Variants in CTNND2 observed in about 807,000 individuals in gnomAD.
CTNND2 encodes the protein catenin delta 2, also known as catenin delta-2.
Under a neutral mutation model 144.4 loss-of-function variants are expected in CTNND2, and 22 were observed. The observed-to-expected ratio is 0.15, with a 90% CI of 0.11 to 0.22. CTNND2 has a LOEUF of 0.22. CTNND2 is among the 10% of genes least tolerant of loss of function. The pLI is 1.00. For missense variants in CTNND2, 1,353 were observed against 1,618.8 expected (o/e 0.84, Z 2.82); for synonymous variants, 751 against 695.6 (o/e 1.08, Z -1.25).
chr5:11,393,101 GATT>G (rs1303797029), intron 6 of CTNND2, among the ~76,000 whole-genome samples: 1 of 152,174 alleles, frequency 6.6e-6, no homozygotes, highest in Non-Finnish European at 1.5e-5. Context: ...GTGTACTTAT[GATT>G]ATGATATAGC....
intron 9 of CTNND2, among the ~76,000 whole-genome samples, chr5:11,267,256 C>T (rs777128242): frequency 6.6e-6 from 1 of 152,266 alleles, no homozygotes; most frequent in East Asian, 1.9e-4. Flanking sequence ...ATTCTCCCCA[C>T]GTGGAGCTAA....
In CTNND2 at chr5:11,057,449, T is replaced by G. The variant is rs186354497; in HGVS notation, c.2788+25247A>C. On this transcript the variant is annotated intron_variant, in intron 16 of 21. Coordinates refer to ENST00000304623, the MANE Select transcript of CTNND2 (RefSeq NM_001332.4). ...AAAATGGGAGTTCCCCTGCACAAAC[T>G]CTCTCTTTTTGCCTGCTGCCATCCA... Among the ~76,000 whole-genome samples the G allele has an allele frequency of 5.6e-3, 856 of 152,294 alleles. 6 individuals carry two copies. Among genetic ancestry groups the G allele is most frequent in the African/African-American group, 0.019 (801 of 41,570 alleles).
intron 2 of CTNND2, among the ~76,000 whole-genome samples, chr5:11,652,124 T>A (rs1159953982): frequency 2.0e-5 from 3 of 152,188 alleles, no homozygotes; most frequent in Non-Finnish European, 4.4e-5. Flanking sequence ...ATCCCCAATG[T>A]TGGAGGTGGG....
chr5:11,531,558 A>C (rs575050998), intron 3 of CTNND2, among the ~76,000 whole-genome samples: 16 of 152,262 alleles, frequency 1.1e-4, no homozygotes, highest in African/African-American at 3.6e-4. Context: ...CCCGGGAGGC[A>C]GAGATTACAG....
chr5:11,134,360 A>G (rs1009322252), intron 12 of CTNND2, among the ~76,000 whole-genome samples: 3 of 152,186 alleles, frequency 2.0e-5, no homozygotes, highest in African/African-American at 7.2e-5. Context: ...AAAGAGCCCA[A>G]TGGCCAATGC....
intron 3 of CTNND2, among the ~76,000 whole-genome samples, chr5:11,524,907 T>G (rs1394230798): frequency 6.6e-6 from 1 of 152,160 alleles, no homozygotes; most frequent in Admixed American, 6.5e-5. Flanking sequence ...GACTCAAACA[T>G]AGCATATAAA....
chr5:11,143,000 A>AGT (rs1246788693), intron 12 of CTNND2, among the ~76,000 whole-genome samples: 4 of 152,180 alleles, frequency 2.6e-5, no homozygotes, highest in Non-Finnish European at 5.9e-5. Context: ...TAGATGAGGC[A>AGT]GTGTGTGATG....
In CTNND2 at chr5:11,125,255, A is replaced by AG. The variant is rs1004562629; in HGVS notation, c.2160-7689dup. 5.3e-5 allele frequency among the ~76,000 whole-genome samples: 8 copies of AG among 152,114 alleles called. No individual in the cohort carries two copies. In the East Asian group the frequency reaches 9.6e-4, roughly 18 times the overall value. On this transcript the variant is annotated intron_variant, in intron 12 of 21. Transcript: ENST00000304623. ...CTCTAGGTGCAGAGGTTGCAGGGCTAGGGGGGCAGCATGAGACCCTCCAAG... is the reference window on the plus strand; with the variant it reads ...CTCTAGGTGCAGAGGTTGCAGGGCTAGGGGGGGCAGCATGAGACCCTCCAAG...
At chr5:10,994,391 G>A (rs1181183972) in intron 18 of CTNND2, among the ~76,000 whole-genome samples, 1 of 29,936 alleles carries the variant, frequency 3.3e-5, no homozygotes, top group Non-Finnish European at 7.1e-5. Flanking sequence ...GGAAAGAGGA[G>A]GGGGGCGGGG....
At chr5:11,875,169 C>A (rs765065321) in intron 1 of CTNND2, among the ~76,000 whole-genome samples, 15 of 152,164 alleles carry the variant, frequency 9.9e-5, no homozygotes, top group Non-Finnish European at 2.2e-4. Context: ...TTCAATCATT[C>A]TGGTAGAAAC....
intron 2 of CTNND2, among the ~76,000 whole-genome samples, chr5:11,724,219 G>A (rs1241832732): frequency 6.6e-6 from 1 of 152,014 alleles, no homozygotes; most frequent in Non-Finnish European, 1.5e-5. Flanking sequence ...TCCTAGTATG[G>A]TAATTTCTTA....
intron 3 of CTNND2, among the ~76,000 whole-genome samples, chr5:11,479,031 G>A (rs934928126): frequency 1.3e-5 from 2 of 152,122 alleles, no homozygotes; most frequent in Non-Finnish European, 2.9e-5. Flanking sequence ...GGGTACATGT[G>A]CAGGTTTCTT....
At position 11,903,166 on chromosome 5, in the gene CTNND2, C is replaced by T; in HGVS notation, c.37+651G>A. The T allele has an allele frequency of 1.0e-6, 1 of 985,244 alleles. No homozygotes were observed. Among genetic ancestry groups the T allele is most frequent in the East Asian group, 1.1e-4 (1 of 8,796 alleles). 61.0% of individuals were successfully genotyped at this position (985,244 alleles called of 1,614,324 possible). A position where few individuals can be genotyped will look rare whatever the true frequency, so the allele number is the denominator to read the frequency against. On this transcript the variant is annotated intron_variant, in intron 1 of 21. Transcript: ENST00000304623. The surrounding 1 kb of genome is among the most constrained non-coding windows in gnomAD (Gnocchi z 5.4). Reference sequence around the variant, plus strand: ...ATCTCCCATACACACGCACAGCCTTCCAAACCTGGCTTTCAGGCGGCGCTT... The same window carrying T: ...ATCTCCCATACACACGCACAGCCTTTCAAACCTGGCTTTCAGGCGGCGCTT...
rs77599593 is a variant in CTNND2, at chr5:11,294,462, G to A, written c.1628+51910C>T. Among the ~76,000 whole-genome samples, 46 of 152,140 alleles carry A rather than the reference G, an allele frequency of 3.0e-4. No homozygotes were observed. The East Asian group carries it at 6.2e-3, about 20-fold the overall frequency. On this transcript the variant is annotated intron_variant, in intron 9 of 21. Coordinates refer to ENST00000304623, the MANE Select transcript of CTNND2 (RefSeq NM_001332.4). ...TGAAAAGGGAAAAAGCAAGCTCCTC[G>A]CTTTATGGAAATCAACTAACCATAT...
rs533782635 is a variant in CTNND2 at position 11,159,446 on chromosome 5, G to A, written c.2159+130C>T. The A allele has an allele frequency of 6.6e-4, 459 of 693,648 alleles. 1 individual carries two copies. The highest frequency in any genetic ancestry group is 7.0e-4 in the Non-Finnish European group (301 of 432,474). 43.0% of individuals were successfully genotyped at this position (693,648 alleles called of 1,614,324 possible). A position where few individuals can be genotyped will look rare whatever the true frequency, so the allele number is the denominator to read the frequency against. Reference sequence around the variant, plus strand: ...ATTTAAAATTAACTTCTTATACTCCGTTGCCACATCAACATTCATGTTTTC... The same window carrying A: ...ATTTAAAATTAACTTCTTATACTCCATTGCCACATCAACATTCATGTTTTC... On this transcript the variant is annotated intron_variant, in intron 12 of 21. Transcript: ENST00000304623.
At chr5:11,096,538 G>A (rs1398005414) in intron 15 of CTNND2, among the ~76,000 whole-genome samples, 1 of 151,998 alleles carries the variant, frequency 6.6e-6, no homozygotes, top group Non-Finnish European at 1.5e-5. Flanking sequence ...TGTAAATGAG[G>A]CATTATATTT....
At chr5:11,393,555 T>C (rs1759817952) in intron 6 of CTNND2, among the ~76,000 whole-genome samples, 2 of 152,208 alleles carry the variant, frequency 1.3e-5, no homozygotes, top group South Asian at 4.1e-4. Context: ...TAGCATTTCA[T>C]ATAATCCAAT....
At chr5:11,210,894 C>A (rs1322998848) in intron 10 of CTNND2, among the ~76,000 whole-genome samples, 1 of 152,064 alleles carries the variant, frequency 6.6e-6, no homozygotes, top group African/African-American at 2.4e-5. Flanking sequence ...TGGAAGGAGT[C>A]AAGGAACCTG....
chr5:10,979,689 G>C (rs1736972647), intron 21 of CTNND2, among the ~76,000 whole-genome samples: 1 of 152,216 alleles, frequency 6.6e-6, no homozygotes, highest in Non-Finnish European at 1.5e-5. Flanking sequence ...GGTTCCTTAA[G>C]AATCTACTGT....
Sources: allele counts gnomAD v4.1 joint callset (sites outside exome capture counted in the v4.1 genomes callset), GRCh38; gene constraint gnomAD v4.1.1; non-coding constraint Gnocchi (gnomAD v3.1); transcripts MANE v1.5; gene names NCBI Gene and HGNC (gene_info 2026-07-23, HGNC 2026-07-21).